The following WDR41 variants were observed in gnomAD, a reference collection of about 807,000 sequenced individuals.
WDR41 encodes the protein WD repeat domain 41.
Under a neutral mutation model 69.3 loss-of-function variants are expected in WDR41, and 63 were observed. The observed-to-expected ratio is 0.91, with a 90% CI of 0.74 to 1.12. WDR41 has a LOEUF of 1.12. WDR41 is among the 50% of genes most tolerant of loss of function. The pLI, the probability that WDR41 is intolerant of heterozygous loss-of-function variation, is 0.00. For missense variants in WDR41, 543 were observed against 534.5 expected, an observed-to-expected ratio of 1.02 and a Z score of -0.16; for synonymous variants, 185 against 192.1, an observed-to-expected ratio of 0.96 and a Z score of 0.31.
chr5:77,436,354 T>C lies in WDR41; in HGVS notation c.1134A>G (p.Gln378=). The change falls in exon 12 of 13, where the codon CAA becomes CAG. Residue 378 remains glutamine (Q), a synonymous_variant. Transcript: ENST00000296679. Reference sequence around the variant, plus strand: ...GCTGCTTTTTAACAGGTTGGCTGGCTTGTTTGCTGACTCTTCCAAATCCCC... The same window carrying C: ...GCTGCTTTTTAACAGGTTGGCTGGCCTGTTTGCTGACTCTTCCAAATCCCC... The part of the protein sequence containing the change: ...NMWGFGRVSK[Q]ASQPVKKQQE... The C allele has an allele frequency of 6.2e-7, 1 of 1,614,100 alleles. No homozygotes were observed. Among genetic ancestry groups the C allele is most frequent in the Non-Finnish European group, 8.5e-7 (1 of 1,179,978 alleles).
intron 1 of WDR41, among the ~76,000 whole-genome samples, chr5:77,529,906 CAAAT>C (rs370015379): frequency 9.0e-4 from 137 of 151,654 alleles, no homozygotes; most frequent in African/African-American, 3.2e-3. Context: ...AAAAACAAAA[CAAAT>C]AAATATTTTA....
chr5:77,537,019 A>C (rs1453132842), intron 1 of WDR41, among the ~76,000 whole-genome samples: 1 of 152,222 alleles, frequency 6.6e-6, no homozygotes, highest in Non-Finnish European at 1.5e-5. Context: ...GTTTGCTTAC[A>C]TGCAGAGGTG....
At chr5:77,436,210 G>A (rs1385103243) in intron 12 of WDR41, 51 bp downstream of exon 12, 1 of 1,583,726 alleles carries the variant, frequency 6.3e-7, no homozygotes, top group Non-Finnish European at 8.6e-7. Context: ...AAAGAGCAAT[G>A]AAATGCAAAA....
intron 1 of WDR41, among the ~76,000 whole-genome samples, chr5:77,512,389 TG>T (rs1802220943): frequency 6.9e-6 from 1 of 144,816 alleles, no homozygotes; most frequent in Admixed American, 6.9e-5. Flanking sequence ...TGTGTGTGTG[TG>T]TGTGTGTGTG....
intron 1 of WDR41, among the ~76,000 whole-genome samples, chr5:77,577,491 A>G (rs1340706563): frequency 6.6e-6 from 1 of 152,222 alleles, no homozygotes; most frequent in Non-Finnish European, 1.5e-5. Flanking sequence ...GCAAAATATT[A>G]TTAGTTCCGA....
intron 8 of WDR41, among the ~76,000 whole-genome samples, chr5:77,445,116 C>A (rs1799327343): frequency 6.6e-6 from 1 of 152,144 alleles, no homozygotes; most frequent in Admixed American, 6.5e-5. Context: ...ACTGATCCCA[C>A]AGAAATACAA....
chr5:77,577,642 C>T (rs1743858476), intron 1 of WDR41, among the ~76,000 whole-genome samples: 1 of 152,100 alleles, frequency 6.6e-6, no homozygotes. Flanking sequence ...CCTAGAGAAA[C>T]TTTACACATG....
At chr5:77,504,633 CT>C (rs1802077576) in intron 1 of WDR41, among the ~76,000 whole-genome samples, 1 of 152,176 alleles carries the variant, frequency 6.6e-6, no homozygotes, top group South Asian at 2.1e-4. Flanking sequence ...CAATAAAATA[CT>C]GGCAAACCGA....
At chr5:77,601,552 T>A (rs1238093540) in intron 1 of WDR41, among the ~76,000 whole-genome samples, 1 of 152,210 alleles carries the variant, frequency 6.6e-6, no homozygotes, top group African/African-American at 2.4e-5. Context: ...AAAACTAGCT[T>A]GAAGATGCAT....
chr5:77,512,352 G>GAA (rs1491371319), intron 1 of WDR41, among the ~76,000 whole-genome samples: 4 of 116,310 alleles, frequency 3.4e-5, no homozygotes, highest in Non-Finnish European at 7.1e-5. Flanking sequence ...GAGAGAGAGA[G>GAA]TGAGTGTGTG....
intron 1 of WDR41, among the ~76,000 whole-genome samples, chr5:77,588,439 T>A (rs139852610): frequency 6.6e-6 from 1 of 152,198 alleles, no homozygotes; most frequent in Non-Finnish European, 1.5e-5. Context: ...GAAGTCCATA[T>A]AGAAGTGATT....
chr5:77,615,884 T>C (rs926145655), intron 1 of WDR41, among the ~76,000 whole-genome samples: 1 of 151,750 alleles, frequency 6.6e-6, no homozygotes, highest in Non-Finnish European at 1.5e-5. Context: ...TCCCAGATAC[T>C]CGGGAGGCTG....
At chr5:77,477,744 C>G (rs1801013841) in intron 2 of WDR41, among the ~76,000 whole-genome samples, 1 of 107,286 alleles carries the variant, frequency 9.3e-6, no homozygotes, top group Non-Finnish European at 1.8e-5. Flanking sequence ...AATTGACACC[C>G]TAACATCACA....
chr5:77,448,889 A>C (rs1799509137), intron 8 of WDR41, among the ~76,000 whole-genome samples: 1 of 151,480 alleles, frequency 6.6e-6, no homozygotes, highest in Non-Finnish European at 1.5e-5. Context: ...ACAAACAAAC[A>C]AACACAAACA....
At chr5:77,585,272 G>A (rs1275126219) in intron 1 of WDR41, among the ~76,000 whole-genome samples, 4 of 152,028 alleles carry the variant, frequency 2.6e-5, no homozygotes, top group East Asian at 1.9e-4. Context: ...ACTACAATGC[G>A]ATATCACCTC....
At chr5:77,500,274 T>G (rs1469845075) in intron 1 of WDR41, among the ~76,000 whole-genome samples, 1 of 151,678 alleles carries the variant, frequency 6.6e-6, no homozygotes, top group African/African-American at 2.4e-5. Context: ...AAATGAAAAA[T>G]TTTACATTTA....
At chr5:77,538,008 C>A (rs945507194) in intron 1 of WDR41, among the ~76,000 whole-genome samples, 1 of 151,738 alleles carries the variant, frequency 6.6e-6, no homozygotes, top group Non-Finnish European at 1.5e-5. Flanking sequence ...GTGTAGATGT[C>A]AAGTCAGGGC....
chr5:77,451,464 A>G, intron 6 of WDR41, 111 bp from the exon 7 acceptor site: 1 of 916,216 alleles, frequency 1.1e-6, no homozygotes, highest in Non-Finnish European at 1.7e-6. Flanking sequence ...GATAAAGCAC[A>G]CAGAACTAGC....
chr5:77,505,668 A>G (rs1802093870), intron 1 of WDR41, among the ~76,000 whole-genome samples: 2 of 152,270 alleles, frequency 1.3e-5, no homozygotes, highest in Admixed American at 6.5e-5. Context: ...AAAACAGCAT[A>G]GTACTGGTAC....
Sources: gnomAD v4.1 joint callset for allele counts (sites outside exome capture counted in the v4.1 genomes callset) on GRCh38, gnomAD v4.1.1 for gene constraint, MANE v1.5 for transcripts, NCBI Gene and HGNC (gene_info 2026-07-23, HGNC 2026-07-21) for gene names.